WWOX: variants seen among roughly 807,000 people sequenced by gnomAD.
WWOX encodes the protein WW domain containing oxidoreductase.
Under a neutral mutation model 46.2 loss-of-function variants are expected in WWOX, and 69 were observed. That is an observed-to-expected ratio of 1.49 (90% confidence interval 1.23 to 1.82). The LOEUF (loss-of-function observed/expected upper bound fraction) is 1.82. Among genes scored for constraint, WWOX ranks in the 40% most tolerant of loss-of-function variants. The pLI, the probability that WWOX is intolerant of heterozygous loss-of-function variation, is 0.00. For synonymous variants in WWOX, 359 were observed against 202.6 expected (o/e 1.77, Z -6.56); for missense variants, 919 against 542.6 (o/e 1.69, Z -6.89).
At position 78,109,798 on chromosome 16, in the gene WWOX, C is replaced by G. The variant is rs558101281; in HGVS notation, c.193C>G (p.Gln65Glu). Residue 65 changes from glutamine (Q) to glutamate (E), a missense_variant, in exon 3 of 9, where the codon CAA becomes GAA. By Grantham distance (29) the Gln-to-Glu change is conservative (BLOSUM62 2). Coordinates refer to ENST00000566780, the MANE Select transcript of WWOX (RefSeq NM_016373.4). ...TTCAGATTTGCCATACGGATGGGAA[C>G]AAGAAACTGATGAGAACGGACAAGT... is the stretch of plus-strand genomic sequence containing the variant. ...VAGDLPYGWE[Q>E]ETDENGQVFF... 1.2e-6 allele frequency: 2 copies of G among 1,614,088 alleles called. No homozygotes were observed. The highest frequency in any genetic ancestry group is 2.2e-5 in the East Asian group (1 of 44,870).
At position 78,837,419 on chromosome 16, in the gene WWOX, G is replaced by A. The variant is rs75288667; in HGVS notation, c.1057-374189G>A. On this transcript the variant is annotated intron_variant, in intron 8 of 8. Transcript: ENST00000566780. ...TGATATTGCATCAAGGCAATTCACGGCAGTGGTTGAACCAAAAGCAATTTA... is the reference window on the plus strand; with the variant it reads ...TGATATTGCATCAAGGCAATTCACGACAGTGGTTGAACCAAAAGCAATTTA... Among the ~76,000 whole-genome samples the A allele has an allele frequency of 4.8e-3, 737 of 152,290 alleles. 6 individuals are homozygous for A. The highest frequency in any genetic ancestry group is 0.017 in the African/African-American group (693 of 41,570).
intron 8 of WWOX, chr16:78,994,469 A>G (rs1241478752): frequency 1.3e-5 from 2 of 152,328 alleles, no homozygotes; most frequent in Non-Finnish European, 2.9e-5. Context: ...CTGAAGTCAC[A>G]AAAATTATGA....
chr16:79,165,885 A>G (rs531283611), intron 8 of WWOX, among the ~76,000 whole-genome samples: 6 of 152,296 alleles, frequency 3.9e-5, no homozygotes, highest in South Asian at 2.1e-4. Context: ...TCCCTCTTCT[A>G]TTACCTTCAT....
chr16:79,091,370 C>A (rs574987019), intron 8 of WWOX, among the ~76,000 whole-genome samples: 2 of 151,938 alleles, frequency 1.3e-5, no homozygotes, highest in Non-Finnish European at 2.9e-5. Flanking sequence ...GAAGCTCTTT[C>A]ACTGCTTTCG....
chr16:78,228,785 G>C (rs2151804969), intron 5 of WWOX, among the ~76,000 whole-genome samples: 1 of 152,312 alleles, frequency 6.6e-6, no homozygotes. Context: ...TTCAGAGTCT[G>C]CTGGAAGACC....
chr16:79,190,013 A>G (rs1297777323), intron 8 of WWOX, among the ~76,000 whole-genome samples: 2 of 151,922 alleles, frequency 1.3e-5, no homozygotes, highest in African/African-American at 2.4e-5. Flanking sequence ...AAATGTTTTC[A>G]TAACGCCTTG....
intron 8 of WWOX, among the ~76,000 whole-genome samples, chr16:79,177,873 G>T (rs1256305885): frequency 2.0e-5 from 3 of 152,158 alleles, no homozygotes; most frequent in African/African-American, 7.2e-5. Flanking sequence ...CCATAAACTA[G>T]GTAGCTTATA....
At chr16:78,220,802 A>G (rs377186341) in intron 5 of WWOX, among the ~76,000 whole-genome samples, 3 of 152,184 alleles carry the variant, frequency 2.0e-5, no homozygotes, top group African/African-American at 4.8e-5. Flanking sequence ...GTTAGCGGCT[A>G]GGGAAGGGAG....
At chr16:78,598,158 A>G (rs529506948) in intron 8 of WWOX, among the ~76,000 whole-genome samples, 1 of 152,298 alleles carries the variant, frequency 6.6e-6, no homozygotes, top group South Asian at 2.1e-4. Context: ...GAAATCTATA[A>G]TAGGAGGAAC....
intron 8 of WWOX, among the ~76,000 whole-genome samples, chr16:78,678,250 C>T (rs1242864134): frequency 3.3e-5 from 5 of 152,092 alleles, no homozygotes; most frequent in Admixed American, 2.6e-4. Context: ...GTGGGTCACA[C>T]CTGTAATCCT....
intron 8 of WWOX, among the ~76,000 whole-genome samples, chr16:78,545,686 C>T (rs2044012658): frequency 6.6e-6 from 1 of 152,184 alleles, no homozygotes; most frequent in Non-Finnish European, 1.5e-5. Flanking sequence ...TGACAAAATA[C>T]CACCCACTGG....
At chr16:78,835,996 T>G (rs898526876) in intron 8 of WWOX, among the ~76,000 whole-genome samples, 1 of 152,220 alleles carries the variant, frequency 6.6e-6, no homozygotes, top group Non-Finnish European at 1.5e-5. Flanking sequence ...GCCTCGTTAT[T>G]CTTGTTCCCT....
intron 8 of WWOX, among the ~76,000 whole-genome samples, chr16:78,533,299 T>TTC (rs2043669997): frequency 6.6e-6 from 1 of 152,052 alleles, no homozygotes; most frequent in Admixed American, 6.6e-5. Flanking sequence ...TCCCAGCACT[T>TTC]TTGGGTCAGT....
intron 8 of WWOX, among the ~76,000 whole-genome samples, chr16:79,128,153 C>G (rs2049798745): frequency 6.6e-6 from 1 of 152,088 alleles, no homozygotes; most frequent in South Asian, 2.1e-4. Flanking sequence ...AAGAAGAAGA[C>G]AATGGCTGTG....
chr16:79,114,264 A>T (rs1256732506), intron 8 of WWOX, among the ~76,000 whole-genome samples: 1 of 152,014 alleles, frequency 6.6e-6, no homozygotes, highest in Non-Finnish European at 1.5e-5. Context: ...GGGTCTTTGC[A>T]GATGTCATCA....
intron 8 of WWOX, among the ~76,000 whole-genome samples, chr16:78,768,299 A>AAAAAAAAAAAAAAC (rs2049976628): frequency 6.7e-6 from 1 of 149,930 alleles, no homozygotes; most frequent in African/African-American, 2.5e-5. Context: ...AAAAAAAAAA[A>AAAAAAAAAAAAAAC]AGTTGCCTGG....
At chr16:79,163,883 G>GAAAA (rs1308738130) in intron 8 of WWOX, among the ~76,000 whole-genome samples, 1 of 53,742 alleles carries the variant, frequency 1.9e-5, no homozygotes, top group African/African-American at 1.1e-4. Context: ...GAAGAGAATT[G>GAAAA]GAAAAAAAAA....
At chr16:78,575,024 T>TTTAAAGCTGTC (rs2044826054) in intron 8 of WWOX, among the ~76,000 whole-genome samples, 3 of 3,412 alleles carry the variant, frequency 8.8e-4, no homozygotes, top group African/African-American at 4.8e-3. Context: ...TATATATAAA[T>TTTAAAGCTGTC]ATATATATAT....
chr16:78,712,102 G>C (rs906656383), intron 8 of WWOX, among the ~76,000 whole-genome samples: 3 of 152,076 alleles, frequency 2.0e-5, no homozygotes, highest in Admixed American at 6.6e-5. Flanking sequence ...TGTATCCTTT[G>C]TGATGTCTTG....
Sources: gnomAD v4.1 joint callset for allele counts (sites outside exome capture counted in the v4.1 genomes callset) on GRCh38, gnomAD v4.1.1 for gene constraint, MANE v1.5 for transcripts, NCBI Gene and HGNC (gene_info 2026-07-23, HGNC 2026-07-21) for gene names.